Variants in CFAP44 observed in about 807,000 individuals in gnomAD.
CFAP44 encodes the protein cilia- and flagella-associated protein 44.
In CFAP44, 134 loss-of-function variants were observed where a neutral mutation model predicts 216.2. That is an observed-to-expected ratio of 0.62 (90% CI 0.54 to 0.72). CFAP44 has a LOEUF of 0.72. Among genes scored for constraint, CFAP44 ranks in the 30% least tolerant of loss-of-function variants. The pLI, the probability that CFAP44 is intolerant of heterozygous loss-of-function variation, is 0.00. For synonymous variants in CFAP44, 700 were observed against 727.6 expected, an observed-to-expected ratio of 0.96 and a Z score of 0.61; for missense variants, 2,035 against 2,182.1, an observed-to-expected ratio of 0.93 and a Z score of 1.34.
chr3:113,358,723 T>C (rs754122525), intron 22 of CFAP44, 22 bp downstream of exon 22: 3 of 1,535,722 alleles, frequency 2.0e-6, no homozygotes, highest in Admixed American at 2.0e-5. Flanking sequence ...ACATCTTAGC[T>C]TGTAGAGAAT....
At chr3:113,415,864 G>A (rs1268244153) in intron 6 of CFAP44, among the ~76,000 whole-genome samples, 2 of 152,138 alleles carry the variant, frequency 1.3e-5, no homozygotes, top group African/African-American at 4.8e-5. Flanking sequence ...GAGCTCTGTA[G>A]AGGTCTATCA....
Position 113,296,812 on chromosome 3 carries a change from C to CTTT in CFAP44, c.5150_5151insAAA (p.Thr1717_Leu1718insLys). The CTTT allele has an allele frequency of 7.2e-6, 11 of 1,537,572 alleles. No individual in the cohort carries two copies. The highest frequency in any genetic ancestry group is 9.6e-6 in the Non-Finnish European group (11 of 1,146,978). On this transcript the variant is annotated inframe_insertion, in exon 33 of 35. Transcript: ENST00000393845. ...CTTCAAGTGTTGTATTAACAGAAAG[C>CTTT]GTTTGAAGGGCTTCTAGATTTACCA...
chr3:113,392,372 G>A (rs1933866627), intron 15 of CFAP44, among the ~76,000 whole-genome samples: 1 of 151,326 alleles, frequency 6.6e-6, no homozygotes, highest in African/African-American at 2.4e-5. Context: ...TAGAGATGGC[G>A]AGTAGAATGA....
intron 25 of CFAP44, among the ~76,000 whole-genome samples, chr3:113,332,852 G>A (rs972033054): frequency 6.6e-6 from 1 of 152,098 alleles, no homozygotes. Context: ...GGTGGTCCAT[G>A]GCAACGAAAA....
intron 27 of CFAP44, 78 bp downstream of exon 27, chr3:113,327,538 T>C: frequency 7.7e-7 from 1 of 1,306,018 alleles, no homozygotes; most frequent in South Asian, 1.5e-5. Context: ...GTGGGAGATT[T>C]GAGTTAAGAA....
chr3:113,400,742 T>C (rs1934119647), intron 11 of CFAP44, 98 bp from the exon 12 acceptor site: 1 of 1,062,920 alleles, frequency 9.4e-7, no homozygotes, highest in South Asian at 1.4e-5. Context: ...ATAACACATG[T>C]GATTTTATTT....
In CFAP44 at chr3:113,407,451, T is replaced by C. The variant is rs576786082; in HGVS notation, c.891-410A>G. On this transcript the variant is annotated intron_variant, in intron 7 of 34. Transcript: ENST00000393845. ...CTGGCAGCTATTGTATTAGACAGCA[T>C]AGAACATTCCCAGTCTGTCAGAAAG... Among the ~76,000 whole-genome samples the C allele has an allele frequency of 1.6e-4, 24 of 152,346 alleles. No individual in the cohort carries two copies. In the South Asian group the frequency reaches 2.7e-3, roughly 17 times the overall value.
chr3:113,417,659 C>T (rs907842693), intron 5 of CFAP44, among the ~76,000 whole-genome samples: 3 of 152,066 alleles, frequency 2.0e-5, no homozygotes, highest in African/African-American at 7.2e-5. Flanking sequence ...TTATACCAAC[C>T]TTGTGAGCTT....
At position 113,380,891 on chromosome 3, in the gene CFAP44, T is replaced by C; in HGVS notation, c.2052+8A>G. ...ATTATAAGATAATGCTTCAGGAATA[T>C]TCCATACCAGAATCTTAGATTTGAC... is the stretch of plus-strand genomic sequence containing the variant. On this transcript the variant is annotated splice_region_variant and intron_variant, in intron 16 of 34. Coordinates refer to ENST00000393845, the MANE Select transcript of CFAP44 (RefSeq NM_001164496.2). 1 of 1,564,528 alleles carries C rather than the reference T, an allele frequency of 6.4e-7. No individual in the cohort carries two copies. The highest frequency in any genetic ancestry group is 1.2e-5 in the South Asian group (1 of 80,394).
chr3:113,344,120 G>C (rs1421267723), intron 23 of CFAP44, among the ~76,000 whole-genome samples: 1 of 152,150 alleles, frequency 6.6e-6, no homozygotes, highest in Admixed American at 6.5e-5. Flanking sequence ...CTTTGGAATA[G>C]GGCCCAGGAA....
Position 113,396,817 on chromosome 3 carries a change from T to C in CFAP44, c.1570-90A>G. On this transcript the variant is annotated intron_variant, in intron 13 of 34. Transcript: ENST00000393845. ...AGATATTTTATTTAGACTCAGGTAA[T>C]TTAATATTGGCTGCCCATTGGCAAT... 15 of 1,297,076 alleles carry C rather than the reference T, an allele frequency of 1.2e-5. No individual in the cohort carries two copies. The Middle Eastern group carries it at 1.0e-3, about 89-fold the overall frequency. The allele number at this position is 1,297,076 out of a possible 1,614,324, so 80.3% of individuals were successfully genotyped here.
rs114261108 is a variant in CFAP44 at position 113,386,801 on chromosome 3, G to T, written c.1891-5741C>A. Reference sequence around the variant, plus strand: ...TTACATCACTGAAAGAGGCACTGCAGAGGGTAGGAAAGACAGTCTTGAATT... The same window carrying T: ...TTACATCACTGAAAGAGGCACTGCATAGGGTAGGAAAGACAGTCTTGAATT... On this transcript the variant is annotated intron_variant, in intron 15 of 34. Coordinates refer to ENST00000393845, the MANE Select transcript of CFAP44 (RefSeq NM_001164496.2). Among the ~76,000 whole-genome samples the T allele has an allele frequency of 4.6e-3, 700 of 152,332 alleles. 6 individuals are homozygous for T. Among genetic ancestry groups the T allele is most frequent in the African/African-American group, 0.016 (677 of 41,584 alleles).
intron 3 of CFAP44, 109 bp downstream of exon 3, chr3:113,427,078 T>C: frequency 8.5e-7 from 1 of 1,175,102 alleles, no homozygotes; most frequent in Non-Finnish European, 1.2e-6. Context: ...TTCCCACACA[T>C]ATGTACATCC....
Position 113,395,692 on chromosome 3 carries a change from A to T in CFAP44, c.1890+58T>A, listed in dbSNP as rs892267151. 11 of 1,444,756 alleles carry T rather than the reference A, an allele frequency of 7.6e-6. No individual in the cohort carries two copies. The South Asian group carries it at 1.2e-4, about 16-fold the overall frequency. 89.5% of individuals were successfully genotyped at this position (1,444,756 alleles called of 1,614,324 possible). On this transcript the variant is annotated intron_variant, in intron 15 of 34. Transcript: ENST00000393845. Reference sequence around the variant, plus strand: ...CCACCTGCTATTTTCTATCTACAAGATAGTTTCACTATGTAGTAATTGAGA... The same window carrying T: ...CCACCTGCTATTTTCTATCTACAAGTTAGTTTCACTATGTAGTAATTGAGA...
chr3:113,404,091 G>A, intron 8 of CFAP44, 75 bp from the exon 9 acceptor site: 2 of 1,378,078 alleles, frequency 1.5e-6, no homozygotes, highest in Non-Finnish European at 1.9e-6. Flanking sequence ...AATAGTAGGT[G>A]AAAATTATTT....
intron 22 of CFAP44, among the ~76,000 whole-genome samples, chr3:113,355,174 C>T (rs898132844): frequency 6.6e-6 from 1 of 152,000 alleles, no homozygotes; most frequent in Non-Finnish European, 1.5e-5. Context: ...CACTAAAGAA[C>T]TTTTCATGTA....
At chr3:113,377,477 C>A (rs1318566292) in intron 17 of CFAP44, among the ~76,000 whole-genome samples, 1 of 152,012 alleles carries the variant, frequency 6.6e-6, no homozygotes, top group Non-Finnish European at 1.5e-5. Flanking sequence ...AGATAAAATG[C>A]CTAACATTTC....
chr3:113,420,121 TA>T lies in CFAP44; in HGVS notation c.465del (p.Ser155ArgfsTer6). Reference protein sequence around the residue: ...KRANLQLLDDSIAIYIAGNQL... With the variant: ...KRANLQLLDDXIAIYIAGNQL... ...TGGTTCCCAGCTATGTATATGGCGA[TA>T]CTGTCGTCCAGAAGTTGTAGGTTGG... On this transcript the variant is annotated frameshift_variant, in exon 5 of 35. Coordinates refer to ENST00000393845, the MANE Select transcript of CFAP44 (RefSeq NM_001164496.2). LOFTEE classifies it high-confidence loss of function. 6.2e-7 allele frequency: 1 copy of T among 1,613,974 alleles called. No individual in the cohort carries two copies. The highest frequency in any genetic ancestry group is 1.1e-5 in the South Asian group (1 of 91,028).
intron 7 of CFAP44, among the ~76,000 whole-genome samples, chr3:113,408,576 C>T (rs1274785406): frequency 6.6e-6 from 1 of 152,082 alleles, no homozygotes; most frequent in African/African-American, 2.4e-5. Flanking sequence ...TTTAAAAATC[C>T]TTATTTGGCT....
Sources: gnomAD v4.1 joint callset for allele counts (sites outside exome capture counted in the v4.1 genomes callset) on GRCh38, gnomAD v4.1.1 for gene constraint, MANE v1.5 for transcripts, NCBI Gene and HGNC (gene_info 2026-07-23, HGNC 2026-07-21) for gene names.